UNC5C: variants seen among roughly 807,000 people sequenced by gnomAD.
UNC5C encodes unc-5 netrin receptor C, also known as netrin receptor UNC5C.
A neutral mutation model predicts 99.8 loss-of-function variants in UNC5C; 47 were observed. That is an observed-to-expected ratio of 0.47 (90% CI 0.37 to 0.60). UNC5C has a LOEUF of 0.60. Ranked by LOEUF, UNC5C falls within the 20% of genes least tolerant of loss-of-function variation. The probability of loss-of-function intolerance (pLI) is 0.00; values close to 1 mark genes in which losing one functional copy is unlikely to be tolerated. For missense variants in UNC5C, 1,062 were observed against 1,165.9 expected, an observed-to-expected ratio of 0.91 and a Z score of 1.30; for synonymous variants, 487 against 452.2, an observed-to-expected ratio of 1.08 and a Z score of -0.98.
intron 4 of UNC5C, among the ~76,000 whole-genome samples, chr4:95,262,997 A>G (rs11934994): frequency 0.086 from 13,144 of 152,048 alleles, 1,650 homozygotes; most frequent in African/African-American, 0.28. Flanking sequence ...TATTTTTAGT[A>G]GAGACGGGGG....
At position 95,233,564 on chromosome 4, in the gene UNC5C, GAAGT is replaced by G. The variant is rs1489461201; in HGVS notation, c.1108+8861_1108+8864del. On this transcript the variant is annotated intron_variant, in intron 7 of 15. Coordinates refer to ENST00000453304, the MANE Select transcript of UNC5C (RefSeq NM_003728.4). Reference sequence around the variant, plus strand: ...ATTGAATTGCTATTTTCAAAAGGAAGAAGTAAGCAGTGATTAAACTATTCATATT... The same window carrying G: ...ATTGAATTGCTATTTTCAAAAGGAAGAAGCAGTGATTAAACTATTCATATT... 2.0e-5 allele frequency among the ~76,000 whole-genome samples: 3 copies of G among 152,132 alleles called. No individual in the cohort carries two copies. The East Asian group carries it at 5.8e-4, about 29-fold the overall frequency.
chr4:95,378,160 C>A (rs1744953811), intron 1 of UNC5C, among the ~76,000 whole-genome samples: 1 of 152,088 alleles, frequency 6.6e-6, no homozygotes, highest in Non-Finnish European at 1.5e-5. Context: ...TATGTTCTTT[C>A]CCAAAGGAAT....
At chr4:95,384,187 T>A (rs1294986070) in intron 1 of UNC5C, among the ~76,000 whole-genome samples, 1 of 152,152 alleles carries the variant, frequency 6.6e-6, no homozygotes, top group Non-Finnish European at 1.5e-5. Flanking sequence ...GTACCTACTT[T>A]TTTAGTTTCA....
intron 2 of UNC5C, among the ~76,000 whole-genome samples, chr4:95,309,220 G>T (rs768423943): frequency 6.6e-6 from 1 of 152,034 alleles, no homozygotes; most frequent in African/African-American, 2.4e-5. Flanking sequence ...GGGACAACTG[G>T]ATATCCCTAG....
At chr4:95,232,276 T>C (rs537715030) in intron 7 of UNC5C, among the ~76,000 whole-genome samples, 61 of 148,896 alleles carry the variant, frequency 4.1e-4, no homozygotes, top group African/African-American at 1.5e-3. Context: ...ATAAAACATA[T>C]TATATATGTT....
intron 5 of UNC5C, among the ~76,000 whole-genome samples, chr4:95,249,943 AATG>A (rs1350106247): frequency 6.6e-6 from 1 of 152,168 alleles, no homozygotes; most frequent in Non-Finnish European, 1.5e-5. Context: ...GAGGGTTTGC[AATG>A]ATAAGACTGA....
chr4:95,345,225 C>T (rs922046064), intron 1 of UNC5C, among the ~76,000 whole-genome samples: 1 of 151,492 alleles, frequency 6.6e-6, no homozygotes, highest in African/African-American at 2.4e-5. Context: ...ATAGATTTTT[C>T]AATACAAAAA....
chr4:95,341,080 T>C (rs972971347), intron 1 of UNC5C, among the ~76,000 whole-genome samples: 1 of 152,126 alleles, frequency 6.6e-6, no homozygotes, highest in African/African-American at 2.4e-5. Context: ...AGATAGAATT[T>C]GACAATATAA....
At chr4:95,332,590 A>G (rs1050927493) in intron 2 of UNC5C, among the ~76,000 whole-genome samples, 1 of 151,886 alleles carries the variant, frequency 6.6e-6, no homozygotes, top group African/African-American at 2.4e-5. Context: ...TTAAAGACTT[A>G]AACGTTAGAC....
intron 4 of UNC5C, among the ~76,000 whole-genome samples, chr4:95,271,817 C>G (rs1277711788): frequency 6.6e-6 from 1 of 152,194 alleles, no homozygotes; most frequent in Admixed American, 6.5e-5. Context: ...AACTCCAAAT[C>G]ACTTACCGTC....
intron 1 of UNC5C, among the ~76,000 whole-genome samples, chr4:95,404,344 G>A (rs1306650888): frequency 4.0e-5 from 6 of 151,608 alleles, no homozygotes; most frequent in African/African-American, 1.5e-4. Flanking sequence ...TGAAAGTACT[G>A]GATTAAAAAA....
chr4:95,469,657 T>C (rs1194724746), intron 1 of UNC5C, among the ~76,000 whole-genome samples: 1 of 152,176 alleles, frequency 6.6e-6, no homozygotes. Context: ...CCTCAAGCTA[T>C]GGTATATATC....
intron 7 of UNC5C, among the ~76,000 whole-genome samples, chr4:95,239,562 T>C (rs774491016): frequency 3.9e-5 from 6 of 152,194 alleles, no homozygotes; most frequent in South Asian, 2.1e-4. Flanking sequence ...CCTGGTTATA[T>C]TGGTGTCCAC....
intron 7 of UNC5C, among the ~76,000 whole-genome samples, chr4:95,227,143 T>G (rs1029040637): frequency 2.0e-5 from 3 of 151,384 alleles, no homozygotes; most frequent in Admixed American, 6.6e-5. Context: ...AACAATGTTT[T>G]TTTTTTTTTT....
chr4:95,178,574 G>GA (rs1736467645), intron 14 of UNC5C, among the ~76,000 whole-genome samples: 1 of 152,240 alleles, frequency 6.6e-6, no homozygotes, highest in African/African-American at 2.4e-5. Flanking sequence ...TGAAATGAGA[G>GA]AAAATATTTG....
chr4:95,257,277 G>A (rs1369540838), intron 4 of UNC5C, among the ~76,000 whole-genome samples: 1 of 152,102 alleles, frequency 6.6e-6, no homozygotes, highest in East Asian at 1.9e-4. Context: ...TGGGGCATGT[G>A]CTTGTATTTG....
At chr4:95,523,460 C>T (rs17450968) in intron 1 of UNC5C, among the ~76,000 whole-genome samples, 10,128 of 152,086 alleles carry the variant, frequency 0.067, 560 homozygotes, top group Non-Finnish European at 0.099. Flanking sequence ...GTAGCAGAAA[C>T]GGGCACTAGG....
At chr4:95,171,642 T>G (rs1736115955) in intron 14 of UNC5C, among the ~76,000 whole-genome samples, 1 of 152,052 alleles carries the variant, frequency 6.6e-6, no homozygotes, top group Admixed American at 6.5e-5. Flanking sequence ...CTATCATTGT[T>G]GGACATTTGG....
chr4:95,548,951 G>A lies in UNC5C; in HGVS notation c.-94C>T, dbSNP rs1005820652. The A allele has an allele frequency of 1.3e-6, 2 of 1,497,310 alleles. No individual in the cohort carries two copies. Among genetic ancestry groups the A allele is most frequent in the African/African-American group, 1.4e-5 (1 of 72,524 alleles). The allele number at this position is 1,497,310 out of a possible 1,614,324, so 92.8% of individuals were successfully genotyped here. On this transcript the variant is annotated 5_prime_UTR_variant, in exon 1 of 16. Transcript: ENST00000453304. ...TGGGCAGAAGCTGAATCCGTGCACC[G>A]CGAAGCAGTCCGAAGAAATAACGAC... is the stretch of plus-strand genomic sequence containing the variant.
Sources: gnomAD v4.1 joint callset for allele counts (sites outside exome capture counted in the v4.1 genomes callset) on GRCh38, gnomAD v4.1.1 for gene constraint, MANE v1.5 for transcripts, NCBI Gene and HGNC (gene_info 2026-07-23, HGNC 2026-07-21) for gene names.